SCN8A: variants seen among roughly 807,000 people sequenced by gnomAD.
SCN8A encodes sodium voltage-gated channel alpha subunit 8.
In SCN8A, 30 loss-of-function variants were observed where a neutral mutation model predicts 184.1. The ratio of observed to expected loss-of-function variants is 0.16; its 90% CI spans 0.12 to 0.22. SCN8A has a LOEUF of 0.22. SCN8A is among the 10% of genes least tolerant of loss of function. The pLI is 1.00. For synonymous variants in SCN8A, 852 were observed against 907.0 expected, an observed-to-expected ratio of 0.94 and a Z score of 1.09; for missense variants, 1,057 against 2,498.9, an observed-to-expected ratio of 0.42 and a Z score of 12.30.
At chr12:51,634,656 A>ATTATTATT (rs1555210870) in intron 1 of SCN8A, among the ~76,000 whole-genome samples, 5 of 136,650 alleles carry the variant, frequency 3.7e-5, no homozygotes, top group South Asian at 2.3e-4. Context: ...TATTATTATT[A>ATTATTATT]TTTTTTTTTT....
chr12:51,723,865 T>G (rs1942114734), intron 12 of SCN8A, among the ~76,000 whole-genome samples: 1 of 150,336 alleles, frequency 6.7e-6, no homozygotes, highest in Non-Finnish European at 1.5e-5. Context: ...AAAAAATCTG[T>G]AAGGGTGACT....
At chr12:51,592,397 C>G (rs567563659) in intron 1 of SCN8A, among the ~76,000 whole-genome samples, 1 of 152,066 alleles carries the variant, frequency 6.6e-6, no homozygotes, top group Non-Finnish European at 1.5e-5. Context: ...AACCATTTTT[C>G]AGCCCGATAA....
At chr12:51,648,423 C>T (rs1432327157) in intron 1 of SCN8A, among the ~76,000 whole-genome samples, 1 of 152,144 alleles carries the variant, frequency 6.6e-6, no homozygotes, top group East Asian at 1.9e-4. Context: ...TTTTATTAAG[C>T]CACTTTCTCT....
chr12:51,785,122 C>T (rs1049949670), intron 21 of SCN8A, among the ~76,000 whole-genome samples: 2 of 152,160 alleles, frequency 1.3e-5, no homozygotes, highest in South Asian at 2.1e-4. Flanking sequence ...CATTTCATTG[C>T]TTTTTGGTGC....
chr12:51,810,817 T>C lies in SCN8A; in HGVS notation c.*3388T>C, dbSNP rs1328061039. 1.3e-5 allele frequency: 2 copies of C among 152,340 alleles called. No homozygotes were observed. The highest frequency in any genetic ancestry group is 2.9e-5 in the Non-Finnish European group (2 of 68,134). The allele number at this position is 152,340 out of a possible 1,614,324, so 9.4% of individuals were successfully genotyped here. On this transcript the variant is annotated 3_prime_UTR_variant, in exon 27 of 27. Coordinates refer to ENST00000627620, the MANE Select transcript of SCN8A (RefSeq NM_001330260.2). ...GGACGAGAGGAGGAAGAAACTTCCA[T>C]GTTAACATGGCCTACTCTCACTCCT...
intron 8 of SCN8A, 116 bp downstream of exon 8, chr12:51,701,323 T>C (rs895872292): frequency 1.4e-5 from 8 of 559,388 alleles, no homozygotes; most frequent in Non-Finnish European, 2.4e-5. Flanking sequence ...GACCTTACAA[T>C]TGCATCTGAC....
chr12:51,721,771 A>C lies in SCN8A; in HGVS notation c.1861A>C (p.Ser621Arg). The change falls in exon 12 of 27, where the codon AGC (serine) becomes CGC (arginine). Residue 621 changes from serine (S) to arginine (R), a missense_variant. Coordinates refer to ENST00000627620, the MANE Select transcript of SCN8A (RefSeq NM_001330260.2). ...CAGCTACAGCGGCTACAGCGGCTAC[A>C]GCCAGGGCAGCCGCTCCTCGCGCAT... ...RSSYSGYSGY[S>R]QGSRSSRIFP... is the part of the protein sequence containing the mutation. 6.2e-7 allele frequency: 1 copy of C among 1,609,828 alleles called. No individual in the cohort carries two copies. Among genetic ancestry groups the C allele is most frequent in the Non-Finnish European group, 8.5e-7 (1 of 1,178,944 alleles).
Position 51,689,065 on chromosome 12 carries a change from C to G in SCN8A, c.675C>G (p.Leu225=). 6.2e-7 allele frequency: 1 copy of G among 1,613,450 alleles called. No individual in the cohort carries two copies. The highest frequency in any genetic ancestry group is 8.5e-7 in the Non-Finnish European group (1 of 1,179,800). Residue 225 remains leucine (L), a synonymous_variant, in exon 6 of 27, where the codon CTC becomes CTG. Transcript: ENST00000627620. Reference sequence around the variant, plus strand: ...CAGCGCTGAGAACATTCAGGGTTCTCCGAGCTTTGAAAACTATCTCTGTAA... The same window carrying G: ...CAGCGCTGAGAACATTCAGGGTTCTGCGAGCTTTGAAAACTATCTCTGTAA... ...NVSALRTFRV[L]RALKTISVIP...
intron 4 of SCN8A, 25 bp downstream of exon 4, chr12:51,686,482 C>T (rs754741700): frequency 6.9e-6 from 10 of 1,459,608 alleles, no homozygotes; most frequent in Non-Finnish European, 9.6e-6. Context: ...TATGTGTGTG[C>T]TTGTTTGTTT....
chr12:51,720,163 A>G lies in SCN8A; in HGVS notation c.1636-1383A>G, dbSNP rs1448384537. On this transcript the variant is annotated intron_variant, in intron 11 of 26. Coordinates refer to ENST00000627620, the MANE Select transcript of SCN8A (RefSeq NM_001330260.2). ...ACAAGAGTTTTATTTAAAAACATCA[A>G]TGCCGGATATTATATAACTTACAGC... 5.0e-3 allele frequency among the ~76,000 whole-genome samples: 761 copies of G among 151,224 alleles called. 6 individuals are homozygous for G. Among genetic ancestry groups the G allele is most frequent in the African/African-American group, 0.017 (703 of 41,216 alleles).
At chr12:51,635,104 C>T (rs1940286812) in intron 1 of SCN8A, among the ~76,000 whole-genome samples, 1 of 152,208 alleles carries the variant, frequency 6.6e-6, no homozygotes, top group South Asian at 2.1e-4. Flanking sequence ...CAGACTGGAT[C>T]AAACTGCAGA....
intron 14 of SCN8A, among the ~76,000 whole-genome samples, chr12:51,761,454 T>TTTATTTATTTATTATTA (rs1942760905): frequency 2.0e-5 from 3 of 149,892 alleles, no homozygotes; most frequent in African/African-American, 7.4e-5. Context: ...TATTTATTTA[T>TTTATTTATTTATTATTA]TTATTTATTT....
At chr12:51,654,290 C>T (rs1317391299) in intron 1 of SCN8A, among the ~76,000 whole-genome samples, 1 of 152,064 alleles carries the variant, frequency 6.6e-6, no homozygotes, top group Admixed American at 6.5e-5. Flanking sequence ...GAAGCTTTTC[C>T]TCTATATTTT....
intron 1 of SCN8A, among the ~76,000 whole-genome samples, chr12:51,658,451 A>G (rs181679963): frequency 1.5e-3 from 227 of 152,156 alleles, no homozygotes; most frequent in Admixed American, 3.4e-3. Context: ...TGATTTTTGT[A>G]CGTTGATTCT....
chr12:51,669,991 A>G (rs893136044), intron 2 of SCN8A, among the ~76,000 whole-genome samples: 2 of 152,234 alleles, frequency 1.3e-5, no homozygotes, highest in African/African-American at 4.8e-5. Flanking sequence ...TGTTTTAAAT[A>G]AAAACTACAT....
intron 11 of SCN8A, among the ~76,000 whole-genome samples, chr12:51,710,552 C>T (rs559017389): frequency 5.3e-5 from 8 of 152,112 alleles, no homozygotes; most frequent in South Asian, 2.1e-4. Context: ...CCAGCTACTC[C>T]GGAGTCTGAG....
chr12:51,654,593 A>T (rs1174643612), intron 1 of SCN8A, among the ~76,000 whole-genome samples: 2 of 151,542 alleles, frequency 1.3e-5, no homozygotes, highest in Non-Finnish European at 2.9e-5. Flanking sequence ...ATTACTATAG[A>T]TTTGCAGTAA....
At chr12:51,789,462 G>A in intron 24 of SCN8A, 44 bp downstream of exon 24, 1 of 1,599,588 alleles carries the variant, frequency 6.3e-7, no homozygotes, top group Non-Finnish European at 8.5e-7. Context: ...AGTCAGCCCA[G>A]ATAAGAGGCA....
chr12:51,798,786 T>G (rs571827019), intron 26 of SCN8A, among the ~76,000 whole-genome samples: 20 of 152,216 alleles, frequency 1.3e-4, no homozygotes, highest in Non-Finnish European at 2.6e-4. Flanking sequence ...GACACAAATA[T>G]CTTCACAGTT....
Sources: gnomAD v4.1 joint callset for allele counts (sites outside exome capture counted in the v4.1 genomes callset) on GRCh38, gnomAD v4.1.1 for gene constraint, MANE v1.5 for transcripts, NCBI Gene and HGNC (gene_info 2026-07-23, HGNC 2026-07-21) for gene names.